Variants in DPP10 observed in about 807,000 individuals in gnomAD.
DPP10 encodes inactive dipeptidyl peptidase 10.
DPP10 carries 33 observed loss-of-function variants against 120.9 expected under a neutral mutation model. That is an observed-to-expected ratio of 0.27 (90% CI 0.21 to 0.37). The LOEUF is 0.37. Among genes scored for constraint, DPP10 ranks in the 10% least tolerant of loss-of-function variants. The pLI is 1.00. For synonymous variants in DPP10, 337 were observed against 326.1 expected (o/e 1.03, Z -0.36); for missense variants, 816 against 942.8 (o/e 0.87, Z 1.76).
chr2:114,869,027 C>T (rs1262968872), intron 1 of DPP10, among the ~76,000 whole-genome samples: 1 of 152,090 alleles, frequency 6.6e-6, no homozygotes, highest in Non-Finnish European at 1.5e-5. Flanking sequence ...GTACTGCAGA[C>T]AGCACTCAGT....
intron 1 of DPP10, among the ~76,000 whole-genome samples, chr2:114,780,325 C>T (rs1682203238): frequency 6.6e-6 from 1 of 152,084 alleles, no homozygotes; most frequent in Non-Finnish European, 1.5e-5. Context: ...GACAAATTAT[C>T]ATACTTATTT....
intron 5 of DPP10, among the ~76,000 whole-genome samples, chr2:115,609,496 C>T: frequency 6.6e-6 from 1 of 152,038 alleles, no homozygotes; most frequent in East Asian, 1.9e-4. Flanking sequence ...GAGTAACTAA[C>T]CCAGATAAAA....
At chr2:115,251,338 T>G (rs576598632) in intron 1 of DPP10, among the ~76,000 whole-genome samples, 1 of 152,284 alleles carries the variant, frequency 6.6e-6, no homozygotes, top group East Asian at 1.9e-4. Flanking sequence ...AGCACCTCTC[T>G]TTGTGAGGCC....
intron 1 of DPP10, among the ~76,000 whole-genome samples, chr2:114,771,026 T>A (rs1681202137): frequency 6.6e-6 from 1 of 152,206 alleles, no homozygotes; most frequent in South Asian, 2.1e-4. Context: ...TTAATTGATA[T>A]AAAAGTCTAA....
chr2:115,271,874 A>G (rs2059713076), intron 1 of DPP10, among the ~76,000 whole-genome samples: 1 of 152,096 alleles, frequency 6.6e-6, no homozygotes, highest in Non-Finnish European at 1.5e-5. Flanking sequence ...AATTGGCACC[A>G]TCTAAAAAAA....
intron 1 of DPP10, among the ~76,000 whole-genome samples, chr2:114,825,705 T>C (rs563787941): frequency 2.7e-4 from 41 of 152,304 alleles, no homozygotes; most frequent in African/African-American, 8.7e-4. Context: ...AAGAGACATA[T>C]GCAATTTAAT....
At chr2:115,837,692 G>A (rs549912833) in intron 24 of DPP10, among the ~76,000 whole-genome samples, 1 of 152,262 alleles carries the variant, frequency 6.6e-6, no homozygotes, top group Admixed American at 6.5e-5. Context: ...TTGATATGAT[G>A]TAGTGGGGAT....
At chr2:115,629,149 C>G (rs138470437) in intron 5 of DPP10, among the ~76,000 whole-genome samples, 11,597 of 152,182 alleles carry the variant, frequency 0.076, 455 homozygotes, top group South Asian at 0.12. Flanking sequence ...ACGAACTCAT[C>G]CTTTTTTATG....
At chr2:114,635,109 CT>C (rs1695212138) in intron 1 of DPP10, among the ~76,000 whole-genome samples, 1 of 151,356 alleles carries the variant, frequency 6.6e-6, no homozygotes, top group Non-Finnish European at 1.5e-5. Context: ...TTTACGTAAA[CT>C]TGTTTAACTT....
intron 1 of DPP10, among the ~76,000 whole-genome samples, chr2:114,712,405 C>T (rs1206460750): frequency 1.3e-5 from 2 of 152,196 alleles, no homozygotes; most frequent in Non-Finnish European, 2.9e-5. Context: ...GATATTTTAT[C>T]CCCATTTTTC....
chr2:115,373,999 G>T (rs1194988554), intron 3 of DPP10, among the ~76,000 whole-genome samples: 3 of 151,988 alleles, frequency 2.0e-5, no homozygotes, highest in African/African-American at 7.2e-5. Flanking sequence ...CTGCCCCCAT[G>T]TTCCAGTCAC....
At chr2:115,179,394 A>G (rs1347204072) in intron 1 of DPP10, among the ~76,000 whole-genome samples, 1 of 152,068 alleles carries the variant, frequency 6.6e-6, no homozygotes, top group Non-Finnish European at 1.5e-5. Context: ...AAATATAGAG[A>G]CTCTCAATAC....
rs150259274 is a variant in DPP10 at position 114,953,491 on chromosome 2, C to CGT, written c.61-355737_61-355736dup. ...TCTCACATGTGTATGTGTGTGTGTG[C>CGT]GTGTGTGTGTGTACATGAACATGTA... On this transcript the variant is annotated intron_variant, in intron 1 of 25. Transcript: ENST00000410059. 3.2e-4 allele frequency among the ~76,000 whole-genome samples: 49 copies of CGT among 150,872 alleles called. No individual in the cohort carries two copies. The East Asian group carries it at 9.2e-3, about 28-fold the overall frequency.
At chr2:115,436,673 G>A (rs1439803219) in intron 3 of DPP10, among the ~76,000 whole-genome samples, 1 of 151,530 alleles carries the variant, frequency 6.6e-6, no homozygotes, top group African/African-American at 2.4e-5. Flanking sequence ...GAATAGGGTG[G>A]GTATTGAAAA....
At chr2:114,954,244 C>G (rs1162080115) in intron 1 of DPP10, among the ~76,000 whole-genome samples, 1 of 151,892 alleles carries the variant, frequency 6.6e-6, no homozygotes, top group African/African-American at 2.4e-5. Context: ...CCACCCCCGG[C>G]TAACTTTTTT....
intron 10 of DPP10, among the ~76,000 whole-genome samples, chr2:115,747,743 G>A (rs1025627817): frequency 7.9e-5 from 12 of 151,944 alleles, no homozygotes; most frequent in Non-Finnish European, 1.8e-4. Flanking sequence ...ACAGGCACCT[G>A]CCACCACGCC....
chr2:115,638,819 T>C (rs1004505093), intron 5 of DPP10, among the ~76,000 whole-genome samples: 8 of 151,780 alleles, frequency 5.3e-5, no homozygotes, highest in African/African-American at 1.9e-4. Context: ...TGGGTAGGGG[T>C]TTATTATAGG....
chr2:114,915,823 C>G (rs1404022420), intron 1 of DPP10, among the ~76,000 whole-genome samples: 2 of 152,142 alleles, frequency 1.3e-5, no homozygotes, highest in South Asian at 2.1e-4. Flanking sequence ...ACCAGAATTT[C>G]TGGGACACAG....
intron 1 of DPP10, among the ~76,000 whole-genome samples, chr2:114,878,373 C>A (rs1691326150): frequency 2.6e-5 from 4 of 152,020 alleles, no homozygotes; most frequent in Admixed American, 2.6e-4. Context: ...GTGTAATAAT[C>A]AAACCAGGTA....
Sources: allele counts gnomAD v4.1 joint callset (sites outside exome capture counted in the v4.1 genomes callset), GRCh38; gene constraint gnomAD v4.1.1; transcripts MANE v1.5; gene names NCBI Gene and HGNC (gene_info 2026-07-23, HGNC 2026-07-21).